Variants in PPARA observed in about 807,000 individuals in gnomAD.
The protein encoded by PPARA is peroxisome proliferator activated receptor alpha.
Under a neutral mutation model 42.2 loss-of-function variants are expected in PPARA, and 22 were observed. That is an observed-to-expected ratio of 0.52 (90% confidence interval 0.37 to 0.74). PPARA has a LOEUF of 0.74. Ranked by LOEUF, PPARA falls within the 30% of genes least tolerant of loss-of-function variation. The probability of loss-of-function intolerance (pLI) is 0.00; values close to 1 mark genes in which losing one functional copy is unlikely to be tolerated. For synonymous variants in PPARA, 242 were observed against 239.3 expected (o/e 1.01, Z -0.10); for missense variants, 465 against 608.2 (o/e 0.76, Z 2.48).
In PPARA at chr22:46,171,087, G is replaced by A; in HGVS notation, c.-126-5666G>A. Among the ~76,000 whole-genome samples, 1 of 152,084 alleles carries A rather than the reference G, an allele frequency of 6.6e-6. No homozygotes were observed. The highest frequency in any genetic ancestry group is 1.9e-4 in the East Asian group (1 of 5,178). ...GAGGCAGGAGAATTGCTTGAGCCCA[G>A]GAGGCAGAGATCGCAGTGAGCCAAG... On this transcript the variant is annotated intron_variant, in intron 2 of 8. Transcript: ENST00000407236. The surrounding 1 kb of genome is among the most constrained non-coding windows in gnomAD (Gnocchi z 5.0).
chr22:46,219,079 T>C lies in PPARA; in HGVS notation c.508+678T>C, dbSNP rs1934775196. Reference sequence around the variant, plus strand: ...TGGGAGGATGAGACAGGAGAATAGCTTGAACCCGGGAGGCGGAGGTTGCAG... The same window carrying C: ...TGGGAGGATGAGACAGGAGAATAGCCTGAACCCGGGAGGCGGAGGTTGCAG... On this transcript the variant is annotated intron_variant, in intron 6 of 8. Transcript: ENST00000407236. The surrounding 1 kb of genome is among the most constrained non-coding windows in gnomAD (Gnocchi z 4.8). 6.6e-6 allele frequency among the ~76,000 whole-genome samples: 1 copy of C among 150,680 alleles called. No homozygotes were observed. The highest frequency in any genetic ancestry group is 2.4e-5 in the African/African-American group (1 of 40,844).
chr22:46,164,255 ATTTTT>A (rs113416474), intron 2 of PPARA: 8 of 144,716 alleles, frequency 5.5e-5, no homozygotes, highest in African/African-American at 2.0e-4. Context: ...ACATACAGTA[ATTTTT>A]TTTTTTTTTG....
intron 4 of PPARA, among the ~76,000 whole-genome samples, chr22:46,208,899 CGTGTGT>C (rs35658961): frequency 6.7e-6 from 1 of 148,710 alleles, no homozygotes; most frequent in Non-Finnish European, 1.5e-5. Flanking sequence ...GAATAGTATT[CGTGTGT>C]GTGTGTGTGT....
rs1300161468 is a variant in PPARA at position 46,150,716 on chromosome 22, C to G, written c.-210+64C>G. 6.7e-6 allele frequency: 1 copy of G among 149,022 alleles called. No individual in the cohort carries two copies. Among genetic ancestry groups the G allele is most frequent in the Non-Finnish European group, 1.5e-5 (1 of 66,844 alleles). The allele number at this position is 149,022 out of a possible 1,614,324, so 9.2% of individuals were successfully genotyped here. On this transcript the variant is annotated intron_variant, in intron 1 of 8. Coordinates refer to ENST00000407236, the MANE Select transcript of PPARA (RefSeq NM_005036.6). The surrounding 1 kb of genome is among the most constrained non-coding windows in gnomAD (Gnocchi z 7.5). Reference sequence around the variant, plus strand: ...GCGGGGGTCCGCGGTCCGGGCTTCCCAGGTCCCGGGACCCGGAGGGCGGCG... The same window carrying G: ...GCGGGGGTCCGCGGTCCGGGCTTCCGAGGTCCCGGGACCCGGAGGGCGGCG...
At chr22:46,207,679 T>TATTA (rs1320080978) in intron 4 of PPARA, among the ~76,000 whole-genome samples, 2 of 104,204 alleles carry the variant, frequency 1.9e-5, no homozygotes, top group African/African-American at 5.1e-5. Context: ...TTATTATTAT[T>TATTA]TTTTTTTTTT....
At chr22:46,197,346 G>T (rs146129796) in intron 3 of PPARA, among the ~76,000 whole-genome samples, 2 of 152,064 alleles carry the variant, frequency 1.3e-5, no homozygotes, top group Non-Finnish European at 2.9e-5. Flanking sequence ...CACTGTGCCC[G>T]GCCCAGGGAT....
chr22:46,217,486 A>G (rs549654321), intron 5 of PPARA, among the ~76,000 whole-genome samples: 1 of 152,266 alleles, frequency 6.6e-6, no homozygotes, highest in East Asian at 1.9e-4. Context: ...TGCTTTTACA[A>G]AGCAAGAAAA....
intron 3 of PPARA, among the ~76,000 whole-genome samples, chr22:46,194,145 C>A (rs1291220925): frequency 1.3e-5 from 2 of 152,188 alleles, no homozygotes; most frequent in South Asian, 4.1e-4. Context: ...CATCCAAAGG[C>A]AACTGTTCCT....
intron 4 of PPARA, among the ~76,000 whole-genome samples, chr22:46,213,403 CTTTT>C (rs61615727): frequency 1.5e-5 from 2 of 134,864 alleles, no homozygotes; most frequent in East Asian, 2.1e-4. Flanking sequence ...CATTTTCTTT[CTTTT>C]TTTTTTTTTT....
Position 46,195,798 on chromosome 22 carries a change from A to G in PPARA, c.-42-2544A>G, listed in dbSNP as rs762498551. Among the ~76,000 whole-genome samples the G allele has an allele frequency of 2.4e-3, 371 of 152,150 alleles. 2 individuals are homozygous for G. Among genetic ancestry groups the G allele is most frequent in the Non-Finnish European group, 4.6e-3 (311 of 68,006 alleles). On this transcript the variant is annotated intron_variant, in intron 3 of 8. Coordinates refer to ENST00000407236, the MANE Select transcript of PPARA (RefSeq NM_005036.6). This position sits in a 1 kb window ranked among gnomAD's most constrained non-coding sequence, Gnocchi z 4.6. The stretch of plus-strand genomic sequence containing the variant: ...CCCTGACAGTGGCTGGTAGCAGCAC[A>G]TACCCCCGAGCCTCTCCGTGGTGTG...
intron 2 of PPARA, among the ~76,000 whole-genome samples, chr22:46,168,351 CAAAAAAAAAAAAA>C (rs35345592): frequency 2.8e-4 from 4 of 14,384 alleles, no homozygotes; most frequent in African/African-American, 4.3e-4. Flanking sequence ...GACTCCATCT[CAAAAAAAAAAAAA>C]AAAAAAAAAA....
intron 3 of PPARA, among the ~76,000 whole-genome samples, chr22:46,179,266 A>G (rs1294481191): frequency 6.6e-6 from 1 of 152,266 alleles, no homozygotes; most frequent in Non-Finnish European, 1.5e-5. Flanking sequence ...CATCATAACC[A>G]GTAGGATTCA....
Position 46,185,895 on chromosome 22 carries a change from CAAA to C in PPARA, c.-43+9079_-43+9081del, listed in dbSNP as rs1162861606. The stretch of plus-strand genomic sequence containing the variant: ...GGGTGACAAAGTGAGACTCCGTCTC[CAAA>C]AAAAAAAAAAAAAAAAAAATATATA... On this transcript the variant is annotated intron_variant, in intron 3 of 8. Coordinates refer to ENST00000407236, the MANE Select transcript of PPARA (RefSeq NM_005036.6). Among the ~76,000 whole-genome samples, 143 of 19,640 alleles carry C rather than the reference CAAA, an allele frequency of 7.3e-3. 5 individuals are homozygous for C. Among genetic ancestry groups the C allele is most frequent in the African/African-American group, 0.023 (134 of 5,792 alleles). The allele number at this position is 19,640 out of a possible 152,430, so 12.9% of individuals were successfully genotyped here.
intron 4 of PPARA, among the ~76,000 whole-genome samples, chr22:46,213,089 C>T (rs979236450): frequency 2.0e-5 from 3 of 152,140 alleles, no homozygotes; most frequent in African/African-American, 7.2e-5. Context: ...AGTGTGATTC[C>T]ATCATACAGT....
At position 46,162,785 on chromosome 22, in the gene PPARA, G is replaced by A. The variant is rs1431135090; in HGVS notation, c.-127+10815G>A. Among the ~76,000 whole-genome samples, 10 of 152,194 alleles carry A rather than the reference G, an allele frequency of 6.6e-5. No individual in the cohort carries two copies. The highest frequency in any genetic ancestry group is 2.4e-4 in the African/African-American group (10 of 41,454). ...CCTCCTTCCTGAAGCCTTCCTTGCT[G>A]CTCCCCCAAACTAGAGGCAGGAGTT... On this transcript the variant is annotated intron_variant, in intron 2 of 8. Coordinates refer to ENST00000407236, the MANE Select transcript of PPARA (RefSeq NM_005036.6). This position sits in a 1 kb window ranked among gnomAD's most constrained non-coding sequence, Gnocchi z 6.0.
Position 46,225,177 on chromosome 22 carries a change from G to C in PPARA, c.711+5163G>C, listed in dbSNP as rs1333322527. Among the ~76,000 whole-genome samples the C allele has an allele frequency of 6.6e-6, 1 of 152,146 alleles. No homozygotes were observed. Among genetic ancestry groups the C allele is most frequent in the Non-Finnish European group, 1.5e-5 (1 of 68,026 alleles). ...AGTGAGGGGTGGATGGAGAATGTCT[G>C]TGTCCATCTGGACACTGGGACTGTT... On this transcript the variant is annotated intron_variant, in intron 7 of 8. Transcript: ENST00000407236. The surrounding 1 kb of genome is among the most constrained non-coding windows in gnomAD (Gnocchi z 4.1).
At chr22:46,210,707 G>T (rs181146742) in intron 4 of PPARA, among the ~76,000 whole-genome samples, 1 of 152,278 alleles carries the variant, frequency 6.6e-6, no homozygotes, top group African/African-American at 2.4e-5. Flanking sequence ...GCCTCCCAAA[G>T]TGCTAGGATT....
rs982851556 is a variant in PPARA at position 46,184,288 on chromosome 22, G to T, written c.-43+7452G>T. Among the ~76,000 whole-genome samples the T allele has an allele frequency of 1.3e-5, 2 of 152,152 alleles. No individual in the cohort carries two copies. The highest frequency in any genetic ancestry group is 4.8e-5 in the African/African-American group (2 of 41,436). On this transcript the variant is annotated intron_variant, in intron 3 of 8. Transcript: ENST00000407236. The surrounding 1 kb of genome is among the most constrained non-coding windows in gnomAD (Gnocchi z 4.4). ...TGGATGTCTAGAAAAGGTGCCATGA[G>T]TTACCTTCTAAAACATCATAAGAAA...
rs562995090 is a variant in PPARA, at chr22:46,160,973, C to G, written c.-127+9003C>G. ...TTGCATTCCCTTTACTTAGATGAAT[C>G]TAGCAAGGTTGGCTGTTAGTGTCTA... On this transcript the variant is annotated intron_variant, in intron 2 of 8. Transcript: ENST00000407236. The surrounding 1 kb of genome is among the most constrained non-coding windows in gnomAD (Gnocchi z 4.5). Among the ~76,000 whole-genome samples the G allele has an allele frequency of 2.0e-5, 3 of 152,302 alleles. No individual in the cohort carries two copies. The Middle Eastern group carries it at 0.01, about 518-fold the overall frequency.
Sources: allele counts gnomAD v4.1 joint callset (sites outside exome capture counted in the v4.1 genomes callset), GRCh38; gene constraint gnomAD v4.1.1; non-coding constraint Gnocchi (gnomAD v3.1); transcripts MANE v1.5; gene names NCBI Gene and HGNC (gene_info 2026-07-23, HGNC 2026-07-21).